The following ANO10 variants were observed in gnomAD, a reference collection of about 807,000 sequenced individuals.
ANO10 encodes anoctamin 10.
ANO10 carries 77 observed loss-of-function variants against 74.7 expected under a neutral mutation model. The ratio of observed to expected loss-of-function variants is 1.03; its 90% CI spans 0.86 to 1.25. The LOEUF is 1.25. ANO10 is among the 50% of genes most tolerant of loss of function. The probability of loss-of-function intolerance (pLI) is 0.00; values close to 1 mark genes in which losing one functional copy is unlikely to be tolerated. For missense variants in ANO10, 721 were observed against 778.1 expected, an observed-to-expected ratio of 0.93 and a Z score of 0.87; for synonymous variants, 279 against 284.9, an observed-to-expected ratio of 0.98 and a Z score of 0.21.
At chr3:43,636,897 C>T (rs1489618309) in intron 1 of ANO10, among the ~76,000 whole-genome samples, 1 of 152,236 alleles carries the variant, frequency 6.6e-6, no homozygotes, top group African/African-American at 2.4e-5. Context: ...GGTGCAGTGG[C>T]TCAGGCCTAT....
chr3:43,649,618 A>C (rs1246484982), intron 1 of ANO10, among the ~76,000 whole-genome samples: 1 of 152,222 alleles, frequency 6.6e-6, no homozygotes, highest in African/African-American at 2.4e-5. Flanking sequence ...AGATCACAGC[A>C]CACTCAAGAT....
intron 11 of ANO10, among the ~76,000 whole-genome samples, chr3:43,504,300 G>GTAGATAGACAGATAGATAGATAGATAGA (rs753469115): frequency 1.4e-5 from 2 of 139,822 alleles, no homozygotes; most frequent in African/African-American, 2.6e-5. Flanking sequence ...AGGTAGGTAG[G>GTAGATAGACAGATAGATAGATAGATAGA]TAGATAGATA....
At chr3:43,470,498 C>A (rs1403172134) in intron 11 of ANO10, among the ~76,000 whole-genome samples, 4 of 152,146 alleles carry the variant, frequency 2.6e-5, no homozygotes, top group Non-Finnish European at 5.9e-5. Flanking sequence ...GGACTACAGG[C>A]GCGCCTGGCT....
intron 1 of ANO10, among the ~76,000 whole-genome samples, chr3:43,683,715 CTGGTA>C (rs2084233978): frequency 6.6e-6 from 1 of 152,190 alleles, no homozygotes; most frequent in Non-Finnish European, 1.5e-5. Context: ...CAGCATGGTA[CTGGTA>C]CCAAAACAGA....
At chr3:43,400,554 G>T (rs1023539715) in intron 12 of ANO10, among the ~76,000 whole-genome samples, 1 of 152,042 alleles carries the variant, frequency 6.6e-6, no homozygotes, top group African/African-American at 2.4e-5. Context: ...CAGGAGAATT[G>T]CTTGAGCCCA....
At chr3:43,440,823 T>C (rs2093148308) in intron 11 of ANO10, among the ~76,000 whole-genome samples, 1 of 152,068 alleles carries the variant, frequency 6.6e-6, no homozygotes, top group South Asian at 2.1e-4. Flanking sequence ...CCGTAACAAA[T>C]TCAAGAAGAC....
intron 11 of ANO10, among the ~76,000 whole-genome samples, chr3:43,441,028 T>C (rs1432439335): frequency 6.6e-6 from 1 of 151,900 alleles, no homozygotes; most frequent in Non-Finnish European, 1.5e-5. Flanking sequence ...CCAAAACTTA[T>C]GGGACATAGC....
chr3:43,468,155 A>G (rs991543141), intron 11 of ANO10, among the ~76,000 whole-genome samples: 1 of 152,214 alleles, frequency 6.6e-6, no homozygotes, highest in African/African-American at 2.4e-5. Flanking sequence ...AATTTTTAGC[A>G]GTGATTTCTT....
At chr3:43,579,627 G>GAGA (rs552053072) in intron 5 of ANO10, among the ~76,000 whole-genome samples, 158 of 152,326 alleles carry the variant, frequency 1.0e-3, no homozygotes, top group African/African-American at 3.3e-3. Context: ...GCTGAGGCAG[G>GAGA]AGAATTGCTT....
At chr3:43,640,053 G>A (rs1454671984) in intron 1 of ANO10, among the ~76,000 whole-genome samples, 1 of 152,118 alleles carries the variant, frequency 6.6e-6, no homozygotes, top group Non-Finnish European at 1.5e-5. Flanking sequence ...ACACAGAGTA[G>A]GTCTGAAAAC....
chr3:43,593,917 T>A (rs2081943847), intron 4 of ANO10, among the ~76,000 whole-genome samples: 1 of 152,076 alleles, frequency 6.6e-6, no homozygotes, highest in South Asian at 2.1e-4. Context: ...TGGAGGAGGA[T>A]CTACCAAGCA....
At chr3:43,469,038 C>CTTTTTTTTT (rs371985258) in intron 11 of ANO10, among the ~76,000 whole-genome samples, 1 of 70,364 alleles carries the variant, frequency 1.4e-5, no homozygotes, top group African/African-American at 5.8e-5. Flanking sequence ...CAATTAGCTG[C>CTTTTTTTTT]TTTTTTTTTT....
intron 1 of ANO10, chr3:43,691,221 T>A: frequency 2.0e-6 from 1 of 500,582 alleles, no homozygotes; most frequent in Non-Finnish European, 3.2e-6. Context: ...CCGCTCTGCC[T>A]GGGAGAGGCT....
chr3:43,551,183 T>C (rs779519015), intron 10 of ANO10, among the ~76,000 whole-genome samples: 5 of 152,228 alleles, frequency 3.3e-5, no homozygotes, highest in Non-Finnish European at 5.9e-5. Context: ...AAGTACATCA[T>C]TTAACAAATG....
chr3:43,576,803 C>T lies in ANO10; in HGVS notation c.1051G>A (p.Gly351Arg), dbSNP rs757883422. The T allele has an allele frequency of 9.3e-6, 15 of 1,614,016 alleles. No individual in the cohort carries two copies. Among genetic ancestry groups the T allele is most frequent in the African/African-American group, 6.7e-5 (5 of 74,900 alleles). Residue 351 changes from glycine to arginine, a missense_variant, in exon 6 of 13, where the codon GGG (glycine) becomes AGG (arginine). By Grantham distance (125) the Gly-to-Arg change is moderately radical. Transcript: ENST00000292246. ...AACAGGACACTGGTCCACTCAGACC[C>T]GCTGTTCTCATGTAGACCCAAGGCC... Reference protein sequence around the residue: ...VWALGLHENSGSEWTSVLLYV... With the variant: ...VWALGLHENSRSEWTSVLLYV...
At chr3:43,607,085 G>T (rs956339916) in intron 1 of ANO10, among the ~76,000 whole-genome samples, 2 of 152,136 alleles carry the variant, frequency 1.3e-5, no homozygotes, top group Admixed American at 6.5e-5. Flanking sequence ...ATTCCCAAGA[G>T]ATCTCATTAT....
At chr3:43,467,880 T>C (rs1295313467) in intron 11 of ANO10, among the ~76,000 whole-genome samples, 2 of 152,168 alleles carry the variant, frequency 1.3e-5, no homozygotes, top group Non-Finnish European at 2.9e-5. Flanking sequence ...GTAAAGACAA[T>C]TAAAAGAAAA....
chr3:43,515,807 C>A (rs969012387), intron 11 of ANO10, among the ~76,000 whole-genome samples: 1 of 152,094 alleles, frequency 6.6e-6, no homozygotes, highest in East Asian at 1.9e-4. Flanking sequence ...TTTCTAAAAC[C>A]ATAAGCTGTA....
chr3:43,564,355 G>C (rs1357038035), intron 8 of ANO10, among the ~76,000 whole-genome samples: 1 of 151,592 alleles, frequency 6.6e-6, no homozygotes, highest in Non-Finnish European at 1.5e-5. Flanking sequence ...TTTTATGAAT[G>C]TAACAAAACA....
Sources: gnomAD v4.1 joint callset for allele counts (sites outside exome capture counted in the v4.1 genomes callset) on GRCh38, gnomAD v4.1.1 for gene constraint, MANE v1.5 for transcripts, NCBI Gene and HGNC (gene_info 2026-07-23, HGNC 2026-07-21) for gene names.